MAGI1: variants seen among roughly 807,000 people sequenced by gnomAD.
MAGI1 encodes membrane associated guanylate kinase, WW and PDZ domain containing 1.
In MAGI1, 58 loss-of-function variants were observed where a neutral mutation model predicts 139.9. That is an observed-to-expected ratio of 0.41 (90% CI 0.34 to 0.52). The LOEUF (loss-of-function observed/expected upper bound fraction) is 0.52. Among genes scored for constraint, MAGI1 ranks in the 20% least tolerant of loss-of-function variants. MAGI1 has a pLI of 0.12. For synonymous variants in MAGI1, 812 were observed against 737.9 expected, an observed-to-expected ratio of 1.10 and a Z score of -1.63; for missense variants, 1,874 against 1,901.6, an observed-to-expected ratio of 0.99 and a Z score of 0.27.
At chr3:65,564,081 C>A (rs1412475288) in intron 2 of MAGI1, among the ~76,000 whole-genome samples, 1 of 152,008 alleles carries the variant, frequency 6.6e-6, no homozygotes, top group African/African-American at 2.4e-5. Flanking sequence ...CTGAAAGGGC[C>A]ATCGGAGCTC....
chr3:66,032,753 T>G (rs2068694641), intron 1 of MAGI1, among the ~76,000 whole-genome samples: 1 of 149,822 alleles, frequency 6.7e-6, no homozygotes, highest in African/African-American at 2.5e-5. Context: ...CCACCTGTAC[T>G]AAAATACAAA....
At chr3:65,910,609 A>G (rs985991962) in intron 1 of MAGI1, among the ~76,000 whole-genome samples, 4 of 152,142 alleles carry the variant, frequency 2.6e-5, no homozygotes. Context: ...CTAATCTGAG[A>G]AAAGAGTCAC....
At position 65,429,874 on chromosome 3, in the gene MAGI1, T is replaced by G. The variant is rs960330029; in HGVS notation, c.1813A>C (p.Met605Leu). 6.2e-7 allele frequency: 1 copy of G among 1,614,048 alleles called. No individual in the cohort carries two copies. The highest frequency in any genetic ancestry group is 1.7e-5 in the Admixed American group (1 of 59,986). The change falls in exon 12 of 23, where the codon ATG becomes CTG. Residue 605 changes from methionine (M) to leucine (L), a missense_variant. Met to Leu is a conservative substitution (Grantham distance 15, BLOSUM62 2). Around this residue, in one of 5 missense-constraint regions of MAGI1, gnomAD observed 482 missense variants for 509.6 expected, o/e 0.95. Coordinates refer to ENST00000402939, the MANE Select transcript of MAGI1 (RefSeq NM_001033057.2). The stretch of plus-strand genomic sequence containing the variant: ...GGGCTGCTTGGCCTGGCATCCTTCA[T>G]GCCATTGACTTTGCCTGTTTTACTA... ...HSSKTGKVNG[M>L]KDARPSSPAD... is the part of the protein sequence containing the mutation.
intron 1 of MAGI1, among the ~76,000 whole-genome samples, chr3:65,830,442 G>T (rs567396167): frequency 1.8e-3 from 268 of 152,214 alleles, no homozygotes; most frequent in African/African-American, 6.2e-3. Flanking sequence ...CCAATGATTG[G>T]TTCAACCACG....
At chr3:65,908,477 G>T (rs1448650597) in intron 1 of MAGI1, among the ~76,000 whole-genome samples, 1 of 152,040 alleles carries the variant, frequency 6.6e-6, no homozygotes, top group African/African-American at 2.4e-5. Flanking sequence ...GTAGAGACAG[G>T]GTTTCACCAT....
At chr3:65,608,374 G>T (rs2082862733) in intron 2 of MAGI1, among the ~76,000 whole-genome samples, 1 of 152,104 alleles carries the variant, frequency 6.6e-6, no homozygotes, top group Admixed American at 6.6e-5. Context: ...GGCAAAGGTT[G>T]CAGTAAGCCG....
chr3:65,482,821 C>T (rs550726246), intron 3 of MAGI1, among the ~76,000 whole-genome samples: 1 of 152,336 alleles, frequency 6.6e-6, no homozygotes, highest in South Asian at 2.1e-4. Flanking sequence ...TCTGGATTCT[C>T]AATGCTGTTT....
At chr3:65,955,626 G>T (rs1383667596) in intron 1 of MAGI1, among the ~76,000 whole-genome samples, 3 of 151,968 alleles carry the variant, frequency 2.0e-5, no homozygotes, top group Non-Finnish European at 2.9e-5. Context: ...TAACATTTTT[G>T]CCTTTCCATC....
intron 1 of MAGI1, among the ~76,000 whole-genome samples, chr3:65,676,449 C>T (rs1406061609): frequency 2.0e-5 from 3 of 152,072 alleles, no homozygotes; most frequent in African/African-American, 7.2e-5. Flanking sequence ...TTTCTGAATC[C>T]TCAGATTTTT....
chr3:66,038,354 GC>G lies in MAGI1; in HGVS notation c.-47del, dbSNP rs1559519138. 3 of 1,508,734 alleles carry G rather than the reference GC, an allele frequency of 2.0e-6. No individual in the cohort carries two copies. Among genetic ancestry groups the G allele is most frequent in the South Asian group, 2.6e-5 (2 of 75,870 alleles). The allele number at this position is 1,508,734 out of a possible 1,614,324, so 93.5% of individuals were successfully genotyped here. ...CAAAAAAATAAAACGAGAGACAGGTGCCCCCCACAGCACGAGCCCCCAAGCC... is the reference window on the plus strand; with the variant it reads ...CAAAAAAATAAAACGAGAGACAGGTGCCCCCACAGCACGAGCCCCCAAGCC... On this transcript the variant is annotated 5_prime_UTR_variant, in exon 1 of 23. It introduces an in-frame stop codon into an upstream open reading frame of the 5' UTR. Transcript: ENST00000402939.
Position 66,038,274 on chromosome 3 carries a change from G to T in MAGI1, c.35C>A (p.Thr12Asn). 6.2e-7 allele frequency: 1 copy of T among 1,600,950 alleles called. No homozygotes were observed. Reference sequence around the variant, plus strand: ...CACGGTGCATTCGTGAACCCTGCTAGTCCAGTGGTTCTTCTTCTGGATCAC... The same window carrying T: ...CACGGTGCATTCGTGAACCCTGCTATTCCAGTGGTTCTTCTTCTGGATCAC... ...SKVIQKKNHW[T>N]SRVHECTVKR... is the part of the protein sequence containing the mutation. Residue 12 changes from threonine to asparagine, a missense_variant, in exon 1 of 23, where the codon ACT becomes AAT. This residue lies in a region of MAGI1 where 648 missense variants were observed against 598.1 expected (regional missense o/e 1.08). Coordinates refer to ENST00000402939, the MANE Select transcript of MAGI1 (RefSeq NM_001033057.2).
At chr3:65,750,785 C>A (rs2036086546) in intron 1 of MAGI1, among the ~76,000 whole-genome samples, 1 of 152,102 alleles carries the variant, frequency 6.6e-6, no homozygotes, top group Non-Finnish European at 1.5e-5. Context: ...TGAAAGCCAC[C>A]AAGGGAGAGC....
At chr3:65,719,269 A>G (rs1434382093) in intron 1 of MAGI1, among the ~76,000 whole-genome samples, 3 of 151,242 alleles carry the variant, frequency 2.0e-5, no homozygotes, top group African/African-American at 7.3e-5. Flanking sequence ...ACACACATAC[A>G]TATATATACA....
Position 65,363,447 on chromosome 3 carries a change from A to C in MAGI1, c.3495+18T>G, listed in dbSNP as rs552988208. 1 of 1,592,822 alleles carries C rather than the reference A, an allele frequency of 6.3e-7. No individual in the cohort carries two copies. The highest frequency in any genetic ancestry group is 1.3e-5 in the African/African-American group (1 of 74,130). ...GATGGTTTCTTTGCACCTACCCCAG[A>C]CTCCTCTCTCCACTTACCCTCATCT... On this transcript the variant is annotated intron_variant, in intron 21 of 22. Transcript: ENST00000402939.
At chr3:65,860,251 C>A (rs1443789051) in intron 1 of MAGI1, among the ~76,000 whole-genome samples, 1 of 152,160 alleles carries the variant, frequency 6.6e-6, no homozygotes, top group Admixed American at 6.5e-5. Flanking sequence ...ACAAAACTCA[C>A]TGTTCTACTA....
At chr3:65,912,575 G>T (rs1018924850) in intron 1 of MAGI1, among the ~76,000 whole-genome samples, 1 of 152,176 alleles carries the variant, frequency 6.6e-6, no homozygotes, top group African/African-American at 2.4e-5. Context: ...GGATTAGTTT[G>T]GAAAAGGAAG....
intron 1 of MAGI1, among the ~76,000 whole-genome samples, chr3:65,959,169 C>T (rs1162693503): frequency 2.0e-5 from 3 of 152,188 alleles, no homozygotes; most frequent in Non-Finnish European, 4.4e-5. Flanking sequence ...CTTTGTTTGA[C>T]AGCCCCTTCC....
intron 1 of MAGI1, among the ~76,000 whole-genome samples, chr3:65,939,813 A>G (rs1266638568): frequency 6.6e-6 from 1 of 152,186 alleles, no homozygotes. Context: ...CAAAGCTGAC[A>G]TTCCTCATAG....
At chr3:65,463,558 ATGTGTGTGTGTGTGTGTGTGTG>A (rs56135171) in intron 5 of MAGI1, among the ~76,000 whole-genome samples, 5 of 140,748 alleles carry the variant, frequency 3.6e-5, no homozygotes, top group African/African-American at 5.3e-5. Context: ...TTGGCCTGAA[ATGTGTGTGTGTGTGTGTGTGTG>A]TGTGTGTGTG....
Sources: allele counts gnomAD v4.1 joint callset (sites outside exome capture counted in the v4.1 genomes callset), GRCh38; gene constraint gnomAD v4.1.1; regional missense constraint gnomAD v4.1.1; transcripts MANE v1.5; gene names NCBI Gene and HGNC (gene_info 2026-07-23, HGNC 2026-07-21).